Variants in BARX1 observed in about 807,000 individuals in gnomAD.
BARX1 encodes homeobox protein BarH-like 1.
Under a neutral mutation model 19.6 loss-of-function variants are expected in BARX1, and 10 were observed. That is an observed-to-expected ratio of 0.51 (90% CI 0.31 to 0.86). The LOEUF (loss-of-function observed/expected upper bound fraction) is 0.86, where lower values mean the gene tolerates loss of function less well. Ranked by LOEUF, BARX1 falls within the 40% of genes least tolerant of loss-of-function variation. The pLI is 0.04. For synonymous variants in BARX1, 177 were observed against 170.0 expected, an observed-to-expected ratio of 1.04 and a Z score of -0.32; for missense variants, 309 against 360.4, an observed-to-expected ratio of 0.86 and a Z score of 1.15.
In BARX1 at chr9:93,952,095, G is replaced by T; in HGVS notation, c.*69C>A. 1 of 1,537,928 alleles carries T rather than the reference G, an allele frequency of 6.5e-7. No homozygotes were observed. Among genetic ancestry groups the T allele is most frequent in the Non-Finnish European group, 8.7e-7 (1 of 1,145,888 alleles). On this transcript the variant is annotated 3_prime_UTR_variant, in exon 4 of 4. Coordinates refer to ENST00000253968, the MANE Select transcript of BARX1 (RefSeq NM_021570.4). ...TTCTTGGACGCGGAAGGGCCGGCTC[G>T]CGGGTTTCCGCCGAGTGAGGGGGCT...
intron 1 of BARX1, 50 bp downstream of exon 1, chr9:93,954,874 C>G (rs1209310835): frequency 2.4e-6 from 3 of 1,237,470 alleles, no homozygotes; most frequent in East Asian, 6.5e-5. Context: ...CGGTTCAGCT[C>G]GCTGTCTCCC....
Position 93,952,278 on chromosome 9 carries a change from G to C in BARX1, c.651C>G (p.Pro217=), listed in dbSNP as rs1223535018. 1 of 1,611,960 alleles carries C rather than the reference G, an allele frequency of 6.2e-7. No homozygotes were observed. Among genetic ancestry groups the C allele is most frequent in the Non-Finnish European group, 8.5e-7 (1 of 1,179,936 alleles). Residue 217 remains proline (P), a synonymous_variant, in exon 4 of 4, where the codon CCC becomes CCG. Transcript: ENST00000253968. ...CGCTCGTTGGAATTGAGTTCTTCTT[G>C]GGCCGCCCCTTGGGCTTGGTGGGAG... ...LESPTKPKGR[P]KKNSIPTSEQ...
Position 93,955,204 on chromosome 9 carries a change from C to G in BARX1, c.-58G>C. On this transcript the variant is annotated 5_prime_UTR_variant, in exon 1 of 4. Transcript: ENST00000253968. This position sits in a 1 kb window ranked among gnomAD's most constrained non-coding sequence, Gnocchi z 4.4. Reference sequence around the variant, plus strand: ...GGCGGCGGCGGCGACGGCTTGGCTCCGGCGCGGGGCCCGCGCGGGGCTCTA... The same window carrying G: ...GGCGGCGGCGGCGACGGCTTGGCTCGGGCGCGGGGCCCGCGCGGGGCTCTA... The G allele has an allele frequency of 2.3e-6, 2 of 856,852 alleles. No homozygotes were observed. The highest frequency in any genetic ancestry group is 1.2e-4 in the East Asian group (1 of 8,048). 53.1% of individuals were successfully genotyped at this position (856,852 alleles called of 1,614,324 possible).
chr9:93,955,162 T>A lies in BARX1; in HGVS notation c.-16A>T. ...GCCGCTGCATCGCGGCGCCCACTGCTGCGCCCGCGGTTTGGCGGCGGCGGC... is the reference window on the plus strand; with the variant it reads ...GCCGCTGCATCGCGGCGCCCACTGCAGCGCCCGCGGTTTGGCGGCGGCGGC... On this transcript the variant is annotated 5_prime_UTR_variant, in exon 1 of 4. Transcript: ENST00000253968. The surrounding 1 kb of genome is among the most constrained non-coding windows in gnomAD (Gnocchi z 4.4). The A allele has an allele frequency of 5.6e-6, 6 of 1,067,350 alleles. No homozygotes were observed. The highest frequency in any genetic ancestry group is 1.7e-5 in the African/African-American group (1 of 58,682). The allele number at this position is 1,067,350 out of a possible 1,614,324, so 66.1% of individuals were successfully genotyped here.
chr9:93,952,119 C>T lies in BARX1; in HGVS notation c.*45G>A, dbSNP rs1350744533. ...CGCGGGTTTCCGCCGAGTGAGGGGG[C>T]TGCGGGTGGCGCGGGCATCCCAGGC... On this transcript the variant is annotated 3_prime_UTR_variant, in exon 4 of 4. Transcript: ENST00000253968. 1 of 1,581,204 alleles carries T rather than the reference C, an allele frequency of 6.3e-7. No homozygotes were observed. Among genetic ancestry groups the T allele is most frequent in the East Asian group, 2.3e-5 (1 of 43,402 alleles).
At chr9:93,953,314 C>G in intron 1 of BARX1, 127 bp from the exon 2 acceptor site, 2 of 1,151,234 alleles carry the variant, frequency 1.7e-6, no homozygotes, top group Non-Finnish European at 2.3e-6. Context: ...AACCTCCACG[C>G]CCTGCCGGTC....
At position 93,955,048 on chromosome 9, in the gene BARX1, C is replaced by A; in HGVS notation, c.99G>T (p.Glu33Asp). 1.4e-6 allele frequency: 2 copies of A among 1,404,192 alleles called. No individual in the cohort carries two copies. The highest frequency in any genetic ancestry group is 1.9e-6 in the Non-Finnish European group (2 of 1,076,260). 87.0% of individuals were successfully genotyped at this position (1,404,192 alleles called of 1,614,324 possible). The change falls in exon 1 of 4, where the codon GAG becomes GAT. Residue 33 changes from glutamate to aspartate, a missense_variant. Transcript: ENST00000253968. The surrounding 1 kb of genome is among the most constrained non-coding windows in gnomAD (Gnocchi z 4.4). ...PHRYRSFMIE[E>D]ILTEPPGPKG... ...TGGGCCCGGGTGGCTCCGTGAGGAT[C>A]TCCTCAATCATGAAGCTGCGATAGC...
At position 93,952,217 on chromosome 9, in the gene BARX1, C is replaced by T. The variant is rs773850927; in HGVS notation, c.712G>A (p.Glu238Lys). The change falls in exon 4 of 4, where the codon GAG (glutamate) becomes AAG (lysine). Residue 238 changes from glutamate to lysine, a missense_variant. Around this residue, in one of 3 missense-constraint regions of BARX1, gnomAD observed 71 missense variants for 80.4 expected, o/e 0.88. Coordinates refer to ENST00000253968, the MANE Select transcript of BARX1 (RefSeq NM_021570.4). ...LTEQERAKDA[E>K]KPAEVPGEPS... ...TCGCCCGGCACCTCCGCCGGTTTCTCTGCATCCTTGGCGCGCTCCTGCTCA... is the reference window on the plus strand; with the variant it reads ...TCGCCCGGCACCTCCGCCGGTTTCTTTGCATCCTTGGCGCGCTCCTGCTCA... 5.6e-6 allele frequency: 9 copies of T among 1,611,700 alleles called. No homozygotes were observed. The East Asian group carries it at 2.0e-4, about 36-fold the overall frequency.
intron 1 of BARX1, among the ~76,000 whole-genome samples, chr9:93,954,224 C>T (rs765455232): frequency 6.6e-6 from 1 of 152,234 alleles, no homozygotes; most frequent in Non-Finnish European, 1.5e-5. Flanking sequence ...GGAGACAGCA[C>T]CATCAGGGCA....
Position 93,951,933 on chromosome 9 carries a change from G to A in BARX1, c.*231C>T. The A allele has an allele frequency of 1.7e-6, 1 of 592,776 alleles. No individual in the cohort carries two copies. The highest frequency in any genetic ancestry group is 2.9e-6 in the Non-Finnish European group (1 of 339,118). 36.7% of individuals were successfully genotyped at this position (592,776 alleles called of 1,614,324 possible). On this transcript the variant is annotated 3_prime_UTR_variant, in exon 4 of 4. Transcript: ENST00000253968. Reference sequence around the variant, plus strand: ...CAGGGTAGAGACTGTAGCTTCCGCCGGGCTGGATGCGAGTCTCCCAGGTTA... The same window carrying A: ...CAGGGTAGAGACTGTAGCTTCCGCCAGGCTGGATGCGAGTCTCCCAGGTTA...
chr9:93,951,862 AGG>A lies in BARX1; in HGVS notation c.*300_*301del, dbSNP rs1188021507. 19 of 359,190 alleles carry A rather than the reference AGG, an allele frequency of 5.3e-5. 1 individual carries two copies. Among genetic ancestry groups the A allele is most frequent in the Admixed American group, 3.3e-4 (8 of 24,580 alleles). The allele number at this position is 359,190 out of a possible 1,614,324, so 22.3% of individuals were successfully genotyped here. A position where few individuals can be genotyped will look rare whatever the true frequency, so the allele number is the denominator to read the frequency against. ...CCCAGACGGGGTGGGGGTGCAGGCG[AGG>A]AGCGGGGCGTGAATACGCGTGGAGC... is the stretch of plus-strand genomic sequence containing the variant. On this transcript the variant is annotated 3_prime_UTR_variant, in exon 4 of 4. Transcript: ENST00000253968.
Position 93,952,229 on chromosome 9 carries a change from C to A in BARX1, c.700G>T (p.Ala234Ser), listed in dbSNP as rs1446509008. The change falls in exon 4 of 4, where the codon GCC becomes TCC. Residue 234 changes from alanine to serine, a missense_variant. Coordinates refer to ENST00000253968, the MANE Select transcript of BARX1 (RefSeq NM_021570.4). ...TSEQLTEQER[A>S]KDAEKPAEVP... is the part of the protein sequence containing the mutation. ...TCCGCCGGTTTCTCTGCATCCTTGG[C>A]GCGCTCCTGCTCAGTAAGCTGCTCG... 2 of 1,611,840 alleles carry A rather than the reference C, an allele frequency of 1.2e-6. No homozygotes were observed. The highest frequency in any genetic ancestry group is 1.7e-6 in the Non-Finnish European group (2 of 1,179,938).
In BARX1 at chr9:93,955,009, G is replaced by C. The variant is rs1222922062; in HGVS notation, c.138C>G (p.Pro46=). 1.0e-5 allele frequency: 14 copies of C among 1,398,084 alleles called. No homozygotes were observed. The highest frequency in any genetic ancestry group is 1.0e-5 in the Non-Finnish European group (11 of 1,076,306). The allele number at this position is 1,398,084 out of a possible 1,614,324, so 86.6% of individuals were successfully genotyped here. Residue 46 remains proline (P), a synonymous_variant, in exon 1 of 4, where the codon CCC becomes CCG. Coordinates refer to ENST00000253968, the MANE Select transcript of BARX1 (RefSeq NM_021570.4). This position sits in a 1 kb window ranked among gnomAD's most constrained non-coding sequence, Gnocchi z 4.4. ...CGCCCGCCGCGGCAGCGGCGGCTGC[G>C]GGCGCGGCGCCCTTGGGCCCGGGTG... ...TEPPGPKGAA[P]AAAAAAAGEL... is the part of the protein sequence containing the mutation.
At chr9:93,954,646 C>A (rs1829140225) in intron 1 of BARX1, among the ~76,000 whole-genome samples, 1 of 152,204 alleles carries the variant, frequency 6.6e-6, no homozygotes, top group Admixed American at 6.5e-5. Flanking sequence ...GATGCTCACT[C>A]GGGGTCCCCG....
At chr9:93,954,474 A>G (rs1262331121) in intron 1 of BARX1, among the ~76,000 whole-genome samples, 1 of 152,152 alleles carries the variant, frequency 6.6e-6, no homozygotes, top group African/African-American at 2.4e-5. Context: ...GTCAGCACCC[A>G]GCCCTCGGGA....
rs375857004 is a variant in BARX1, at chr9:93,953,330, C to A, written c.224-143G>T. 4.1e-5 allele frequency: 41 copies of A among 992,418 alleles called. No homozygotes were observed. The East Asian group carries it at 9.2e-4, about 22-fold the overall frequency. 61.5% of individuals were successfully genotyped at this position (992,418 alleles called of 1,614,324 possible). The stretch of plus-strand genomic sequence containing the variant: ...ACCTCCACGCCCTGCCGGTCGGCGC[C>A]GGTGGCGCAGATGGAGACCCTCCTC... On this transcript the variant is annotated intron_variant, in intron 1 of 3. Transcript: ENST00000253968.
At chr9:93,953,532 G>T in intron 1 of BARX1, 15 of 293,936 alleles carry the variant, frequency 5.1e-5, no homozygotes, top group Non-Finnish European at 5.6e-5. Flanking sequence ...AAACCAAAAA[G>T]AAAACGGCAG....
In BARX1 at chr9:93,952,811, A is replaced by G. The variant is rs778532537; in HGVS notation, c.518T>C (p.Ile173Thr). The change falls in exon 3 of 4, where the codon ATA becomes ACA. Residue 173 changes from isoleucine to threonine, a missense_variant and splice_region_variant. Around this residue, in one of 3 missense-constraint regions of BARX1, gnomAD observed 34 missense variants for 73.2 expected, o/e 0.46. Transcript: ENST00000253968. Reference sequence around the variant, plus strand: ...CAGGCCCAGGGACTCAGCAAGATCTATTCTGGAAAGAGCAGGGCGCACCCT... The same window carrying G: ...CAGGCCCAGGGACTCAGCAAGATCTGTTCTGGAAAGAGCAGGGCGCACCCT... ...KQKYLSTPDR[I>T]DLAESLGLSQ... The G allele has an allele frequency of 2.5e-6, 4 of 1,614,144 alleles. No individual in the cohort carries two copies. Among genetic ancestry groups the G allele is most frequent in the Non-Finnish European group, 3.4e-6 (4 of 1,180,026 alleles).
At chr9:93,954,706 G>T (rs1190327162) in intron 1 of BARX1, among the ~76,000 whole-genome samples, 1 of 152,192 alleles carries the variant, frequency 6.6e-6, no homozygotes, top group Non-Finnish European at 1.5e-5. Context: ...CACCCTCCCC[G>T]GGCGGCCCGC....
Sources: gnomAD v4.1 joint callset for allele counts (sites outside exome capture counted in the v4.1 genomes callset) on GRCh38, gnomAD v4.1.1 for gene constraint, gnomAD v4.1.1 regional missense constraint, Gnocchi (gnomAD v3.1) non-coding constraint, MANE v1.5 for transcripts, NCBI Gene and HGNC (gene_info 2026-07-23, HGNC 2026-07-21) for gene names.